The following NPTN variants were observed in gnomAD, a reference collection of about 807,000 sequenced individuals.
The protein encoded by NPTN is neuroplastin, also known as SDR-1.
In NPTN, 5 loss-of-function variants were observed where a neutral mutation model predicts 42.7. That is an observed-to-expected ratio of 0.12 (90% CI 0.06 to 0.25). NPTN has a LOEUF of 0.25. NPTN is among the 10% of genes least tolerant of loss of function. NPTN has a pLI of 1.00. For synonymous variants in NPTN, 180 were observed against 201.9 expected, an observed-to-expected ratio of 0.89 and a Z score of 0.92; for missense variants, 307 against 525.4, an observed-to-expected ratio of 0.58 and a Z score of 4.06.
intron 1 of NPTN, among the ~76,000 whole-genome samples, chr15:73,628,812 G>C (rs1898574242): frequency 6.6e-6 from 1 of 151,944 alleles, no homozygotes; most frequent in Non-Finnish European, 1.5e-5. Flanking sequence ...ATAATATAAT[G>C]TTGCTTTTTA....
At chr15:73,595,748 A>G (rs542450745) in intron 2 of NPTN, among the ~76,000 whole-genome samples, 9 of 152,306 alleles carry the variant, frequency 5.9e-5, no homozygotes, top group African/African-American at 2.2e-4. Flanking sequence ...CCTCAATTAT[A>G]ACCAGGTTTG....
rs1185711154 is a variant in NPTN at position 73,597,537 on chromosome 15, T to C, written c.92-168A>G. On this transcript the variant is annotated intron_variant, in intron 1 of 8. Coordinates refer to ENST00000345330, the MANE Select transcript of NPTN (RefSeq NM_012428.4). This position sits in a 1 kb window ranked among gnomAD's most constrained non-coding sequence, Gnocchi z 6.3. ...TATAAAGAGACAGTACAGCAATTCA[T>C]ACAAGCTTTTAGAAGAAGAACCACA... Among the ~76,000 whole-genome samples, 2 of 152,180 alleles carry C rather than the reference T, an allele frequency of 1.3e-5. No individual in the cohort carries two copies. Among genetic ancestry groups the C allele is most frequent in the Non-Finnish European group, 2.9e-5 (2 of 68,038 alleles).
At chr15:73,583,436 G>T (rs568770621) in intron 4 of NPTN, among the ~76,000 whole-genome samples, 2 of 152,266 alleles carry the variant, frequency 1.3e-5, no homozygotes, top group South Asian at 4.1e-4. Flanking sequence ...GGAAAGTAGA[G>T]ATAATAATTG....
chr15:73,626,848 A>G (rs1898440615), intron 1 of NPTN, among the ~76,000 whole-genome samples: 1 of 152,226 alleles, frequency 6.6e-6, no homozygotes, highest in Admixed American at 6.5e-5. Flanking sequence ...GAGTGATTTC[A>G]TACCATCTCA....
At position 73,575,238 on chromosome 15, in the gene NPTN, C is replaced by G. The variant is rs1595904750; in HGVS notation, c.707-1443G>C. Among the ~76,000 whole-genome samples, 3 of 152,344 alleles carry G rather than the reference C, an allele frequency of 2.0e-5. No individual in the cohort carries two copies. In the South Asian group the frequency reaches 6.2e-4, roughly 32 times the overall value. On this transcript the variant is annotated intron_variant, in intron 4 of 8. Transcript: ENST00000345330. ...CCTCAGGTGTTCTGCCCGCGTTGGC[C>G]TCCCAAAGTGTTGGGATTACAGGCG...
chr15:73,608,491 A>C (rs2141446093), intron 1 of NPTN, among the ~76,000 whole-genome samples: 1 of 152,320 alleles, frequency 6.6e-6, no homozygotes, highest in African/African-American at 2.4e-5. Context: ...GTTCTAGATA[A>C]AGGTGAAAAA....
chr15:73,560,778 A>AT lies in NPTN; in HGVS notation c.*284_*285insA, dbSNP rs1366194921. 1 of 152,448 alleles carries AT rather than the reference A, an allele frequency of 6.6e-6. No homozygotes were observed. The highest frequency in any genetic ancestry group is 1.5e-5 in the Non-Finnish European group (1 of 67,992). 9.4% of individuals were successfully genotyped at this position (152,448 alleles called of 1,614,324 possible). A position where few individuals can be genotyped will look rare whatever the true frequency, so the allele number is the denominator to read the frequency against. On this transcript the variant is annotated 3_prime_UTR_variant, in exon 9 of 9. Coordinates refer to ENST00000345330, the MANE Select transcript of NPTN (RefSeq NM_012428.4). ...ATGGCGCATGCATGATCTGATCCTCAGAGGACCTTTTCACTTCTATTTAAA... is the reference window on the plus strand; with the variant it reads ...ATGGCGCATGCATGATCTGATCCTCATGAGGACCTTTTCACTTCTATTTAAA...
rs1296829232 is a variant in NPTN, at chr15:73,561,777, G to A, written c.*14+119C>T. 5 of 761,124 alleles carry A rather than the reference G, an allele frequency of 6.6e-6. No homozygotes were observed. The African/African-American group carries it at 8.9e-5, about 14-fold the overall frequency. The allele number at this position is 761,124 out of a possible 1,614,324, so 47.1% of individuals were successfully genotyped here. On this transcript the variant is annotated intron_variant, in intron 8 of 8. Coordinates refer to ENST00000345330, the MANE Select transcript of NPTN (RefSeq NM_012428.4). ...AGAACTGGCTTCATCAGTATCAGCTGCTCTGAAATGAACTAAAATATCTTA... is the reference window on the plus strand; with the variant it reads ...AGAACTGGCTTCATCAGTATCAGCTACTCTGAAATGAACTAAAATATCTTA...
chr15:73,571,769 G>A (rs763770526), intron 5 of NPTN, among the ~76,000 whole-genome samples: 14 of 152,026 alleles, frequency 9.2e-5, no homozygotes, highest in Non-Finnish European at 1.9e-4. Context: ...AAATAGGAGA[G>A]AAAAAGGGGA....
intron 1 of NPTN, among the ~76,000 whole-genome samples, chr15:73,608,216 A>G (rs1897379723): frequency 6.6e-6 from 1 of 152,260 alleles, no homozygotes; most frequent in Non-Finnish European, 1.5e-5. Context: ...GACTGTGCAC[A>G]GGGATAAACT....
chr15:73,585,430 T>C (rs930690239), intron 4 of NPTN, among the ~76,000 whole-genome samples: 1 of 152,208 alleles, frequency 6.6e-6, no homozygotes, highest in Non-Finnish European at 1.5e-5. Flanking sequence ...CTACTCTAAA[T>C]GCAAGGCAGT....
chr15:73,606,947 G>A (rs1897320092), intron 1 of NPTN, among the ~76,000 whole-genome samples: 1 of 152,174 alleles, frequency 6.6e-6, no homozygotes, highest in Admixed American at 6.5e-5. Context: ...CTCAGTATCA[G>A]ATCAGGTTCT....
intron 2 of NPTN, among the ~76,000 whole-genome samples, chr15:73,595,323 G>A (rs1023842239): frequency 4.6e-5 from 7 of 152,044 alleles, no homozygotes; most frequent in African/African-American, 1.5e-4. Context: ...GGAGAAGGAG[G>A]CGTGCAGGGT....
chr15:73,590,923 G>C (rs76965446), intron 3 of NPTN, among the ~76,000 whole-genome samples: 3 of 151,478 alleles, frequency 2.0e-5, no homozygotes, highest in Non-Finnish European at 4.4e-5. Context: ...TTTATCAGAA[G>C]AAACTACAGT....
At chr15:73,582,120 C>G (rs926678565) in intron 4 of NPTN, among the ~76,000 whole-genome samples, 13 of 152,156 alleles carry the variant, frequency 8.5e-5, no homozygotes, top group African/African-American at 2.9e-4. Context: ...ATTACAGGCT[C>G]AAGACACTGC....
chr15:73,595,683 G>T (rs189331559), intron 2 of NPTN, among the ~76,000 whole-genome samples: 9 of 152,226 alleles, frequency 5.9e-5, no homozygotes, highest in Admixed American at 2.6e-4. Flanking sequence ...ATCTCTCATT[G>T]TGTCCTCAAA....
chr15:73,598,022 A>C (rs1033601135), intron 1 of NPTN, among the ~76,000 whole-genome samples: 2 of 152,198 alleles, frequency 1.3e-5, no homozygotes, highest in Admixed American at 6.5e-5. Flanking sequence ...TATGGCAAAC[A>C]AACAACCCAG....
intron 1 of NPTN, among the ~76,000 whole-genome samples, chr15:73,609,623 T>C: frequency 6.6e-6 from 1 of 151,942 alleles, no homozygotes; most frequent in African/African-American, 2.4e-5. Context: ...AGAGCGAAAC[T>C]CCGTCCCTGA....
chr15:73,608,678 C>T (rs909871474), intron 1 of NPTN, among the ~76,000 whole-genome samples: 2 of 152,106 alleles, frequency 1.3e-5, no homozygotes, highest in Non-Finnish European at 2.9e-5. Flanking sequence ...TGACTGGTGG[C>T]AGTACAATGG....
Sources: gnomAD v4.1 joint callset for allele counts (sites outside exome capture counted in the v4.1 genomes callset) on GRCh38, gnomAD v4.1.1 for gene constraint, Gnocchi (gnomAD v3.1) non-coding constraint, MANE v1.5 for transcripts, NCBI Gene and HGNC (gene_info 2026-07-23, HGNC 2026-07-21) for gene names.